The following DMXL2 variants were observed in gnomAD, a reference collection of about 807,000 sequenced individuals.
DMXL2 encodes Dmx like 2.
A neutral mutation model predicts 331.1 loss-of-function variants in DMXL2; 103 were observed. The ratio of observed to expected loss-of-function variants is 0.31; its 90% CI spans 0.27 to 0.37. The LOEUF is 0.37. DMXL2 is among the 10% of genes least tolerant of loss of function. The pLI is 1.00. For synonymous variants in DMXL2, 1,281 were observed against 1,252.1 expected (o/e 1.02, Z -0.49); for missense variants, 3,171 against 3,642.9 (o/e 0.87, Z 3.33).
At chr15:51,556,490 T>C (rs1219572456) in intron 6 of DMXL2, among the ~76,000 whole-genome samples, 1 of 150,216 alleles carries the variant, frequency 6.7e-6, no homozygotes, top group Non-Finnish European at 1.5e-5. Flanking sequence ...ATTAAAAAGA[T>C]GGCCGGGCAC....
rs370444907 is a variant in DMXL2, at chr15:51,448,647, C to A, written c.*337G>T. 6.7e-6 allele frequency: 2 copies of A among 297,474 alleles called. No individual in the cohort carries two copies. Among genetic ancestry groups the A allele is most frequent in the African/African-American group, 4.3e-5 (2 of 46,312 alleles). The allele number at this position is 297,474 out of a possible 1,614,324, so 18.4% of individuals were successfully genotyped here. On this transcript the variant is annotated 3_prime_UTR_variant, in exon 44 of 44. Transcript: ENST00000560891. ...CAGGAAGAAAAACCCAAATCAGCAA[C>A]ATTTTCTTCCTTAATTTGGTATAAA...
rs747722621 is a variant in DMXL2 at position 51,455,101 on chromosome 15, T to A, written c.8604+50A>T. On this transcript the variant is annotated intron_variant, in intron 40 of 43. Coordinates refer to ENST00000560891, the MANE Select transcript of DMXL2 (RefSeq NM_001378457.1). ...TTCACTGTCTGAAACAGACACTTCA[T>A]GAACAAAGTGTTGTGTATATGCGCC... The A allele has an allele frequency of 2.1e-6, 3 of 1,413,332 alleles. No individual in the cohort carries two copies. In the African/African-American group the frequency reaches 4.2e-5, roughly 20 times the overall value. The allele number at this position is 1,413,332 out of a possible 1,614,324, so 87.5% of individuals were successfully genotyped here. A position where few individuals can be genotyped will look rare whatever the true frequency, so the allele number is the denominator to read the frequency against.
At chr15:51,478,830 A>G (rs2140354794) in intron 25 of DMXL2, among the ~76,000 whole-genome samples, 1 of 152,318 alleles carries the variant, frequency 6.6e-6, no homozygotes. Context: ...GTGAAACAGC[A>G]GATTTTCCAG....
intron 4 of DMXL2, among the ~76,000 whole-genome samples, chr15:51,564,693 G>A (rs546805825): frequency 6.6e-6 from 1 of 152,182 alleles, no homozygotes; most frequent in Admixed American, 6.5e-5. Flanking sequence ...AGGGACAACA[G>A]CTATTATCAT....
intron 15 of DMXL2, among the ~76,000 whole-genome samples, chr15:51,510,492 A>C (rs1295351067): frequency 6.6e-6 from 1 of 151,362 alleles, no homozygotes; most frequent in Non-Finnish European, 1.5e-5. Flanking sequence ...AATACAACTT[A>C]CAAGACCCTC....
intron 1 of DMXL2, among the ~76,000 whole-genome samples, chr15:51,606,779 A>C (rs1170418468): frequency 6.6e-6 from 1 of 152,256 alleles, no homozygotes; most frequent in Non-Finnish European, 1.5e-5. Flanking sequence ...GGATGGCTTT[A>C]ACAGCAAATT....
intron 22 of DMXL2, 132 bp from the exon 23 acceptor site, chr15:51,486,469 T>A: frequency 1.4e-6 from 1 of 690,800 alleles, no homozygotes; most frequent in Non-Finnish European, 2.3e-6. Context: ...GAAGGGTAGT[T>A]AAATGATTGA....
At chr15:51,608,625 T>C (rs1489398418) in intron 1 of DMXL2, among the ~76,000 whole-genome samples, 2 of 151,664 alleles carry the variant, frequency 1.3e-5, no homozygotes, top group Non-Finnish European at 2.9e-5. Flanking sequence ...AGGGAGAGGA[T>C]CAAAAAACTA....
At chr15:51,552,830 C>T (rs2049305426) in intron 6 of DMXL2, among the ~76,000 whole-genome samples, 1 of 152,198 alleles carries the variant, frequency 6.6e-6, no homozygotes, top group Non-Finnish European at 1.5e-5. Flanking sequence ...TGCCAGAGAA[C>T]TCCTGACTGT....
intron 8 of DMXL2, among the ~76,000 whole-genome samples, chr15:51,544,871 A>G (rs2140929813): frequency 6.6e-6 from 1 of 152,276 alleles, no homozygotes; most frequent in African/African-American, 2.4e-5. Flanking sequence ...AGCATACAGT[A>G]TTTGAATAAT....
intron 2 of DMXL2, among the ~76,000 whole-genome samples, chr15:51,570,337 G>A (rs574353024): frequency 1.2e-4 from 19 of 152,218 alleles, no homozygotes; most frequent in African/African-American, 4.3e-4. Context: ...TGAAAGTGAC[G>A]GGGAGAATGG....
chr15:51,593,895 C>A (rs12910068), intron 1 of DMXL2, among the ~76,000 whole-genome samples: 3 of 152,306 alleles, frequency 2.0e-5, no homozygotes, highest in African/African-American at 7.2e-5. Flanking sequence ...ATACCAGAAT[C>A]TCTGGGACAC....
At chr15:51,530,937 TTGTTAAAATGTCCACA>T (rs2047967892) in intron 13 of DMXL2, among the ~76,000 whole-genome samples, 5 of 152,120 alleles carry the variant, frequency 3.3e-5, no homozygotes, top group Admixed American at 3.3e-4. Flanking sequence ...AGAACTGATA[TTGTTAAAATGTCCACA>T]CTACCCCAAG....
At chr15:51,545,798 T>C (rs753100363) in intron 7 of DMXL2, 32 bp from the exon 8 acceptor site, 2 of 1,573,170 alleles carry the variant, frequency 1.3e-6, no homozygotes, top group Non-Finnish European at 1.7e-6. Context: ...TAAAGGTTAA[T>C]GTGAATATCA....
chr15:51,478,765 T>C (rs1016714852), intron 25 of DMXL2, among the ~76,000 whole-genome samples: 17 of 152,150 alleles, frequency 1.1e-4, no homozygotes, highest in African/African-American at 4.1e-4. Flanking sequence ...AATAAACACT[T>C]AATCTTATCA....
chr15:51,578,671 T>A (rs535329646), intron 1 of DMXL2, among the ~76,000 whole-genome samples: 1 of 152,192 alleles, frequency 6.6e-6, no homozygotes, highest in African/African-American at 2.4e-5. Context: ...TAAGTATATA[T>A]ACAAAAGTTT....
chr15:51,468,764 A>C (rs1311082603), intron 29 of DMXL2, among the ~76,000 whole-genome samples: 1 of 152,220 alleles, frequency 6.6e-6, no homozygotes, highest in African/African-American at 2.4e-5. Flanking sequence ...TCCTGACAGA[A>C]ATATACAAAA....
At chr15:51,461,714 A>ATAAT (rs774228047) in intron 33 of DMXL2, among the ~76,000 whole-genome samples, 22 of 152,184 alleles carry the variant, frequency 1.4e-4, no homozygotes, top group Admixed American at 5.2e-4. Context: ...TCACACCTGG[A>ATAAT]TAATTGTTTT....
At chr15:51,540,831 G>A (rs2048554913) in intron 9 of DMXL2, among the ~76,000 whole-genome samples, 1 of 152,100 alleles carries the variant, frequency 6.6e-6, no homozygotes, top group Non-Finnish European at 1.5e-5. Context: ...ATTAGTGAAG[G>A]TTAGTAAAGA....
Sources: allele counts gnomAD v4.1 joint callset (sites outside exome capture counted in the v4.1 genomes callset), GRCh38; gene constraint gnomAD v4.1.1; transcripts MANE v1.5; gene names NCBI Gene and HGNC (gene_info 2026-07-23, HGNC 2026-07-21).